The following SLC25A26 variants were observed in gnomAD, a reference collection of about 807,000 sequenced individuals.
The protein encoded by SLC25A26 is solute carrier family 25 member 26, also known as mitochondrial S-adenosylmethionine carrier protein.
In SLC25A26, 36 loss-of-function variants were observed where a neutral mutation model predicts 37.8. The ratio of observed to expected loss-of-function variants is 0.95; its 90% CI spans 0.73 to 1.26. The LOEUF (loss-of-function observed/expected upper bound fraction) is 1.26, where lower values mean the gene tolerates loss of function less well. Ranked by LOEUF, SLC25A26 falls within the 50% of genes most tolerant of loss-of-function variation. The pLI, the probability that SLC25A26 is intolerant of heterozygous loss-of-function variation, is 0.00. For missense variants in SLC25A26, 390 were observed against 331.1 expected (o/e 1.18, Z -1.38); for synonymous variants, 129 against 122.5 (o/e 1.05, Z -0.35).
At chr3:66,220,568 A>C (rs572509852), upstream of SLC25A26, among the ~76,000 whole-genome samples, 44 of 152,338 alleles carry the variant, frequency 2.9e-4, no homozygotes, top group Middle Eastern at 3.4e-3. Flanking sequence ...TTTATTTAAT[A>C]ATCTTCTGAT....
chr3:66,314,994 T>C (rs1272514388), intron 5 of SLC25A26, among the ~76,000 whole-genome samples: 1 of 151,936 alleles, frequency 6.6e-6, no homozygotes, highest in Non-Finnish European at 1.5e-5. Flanking sequence ...TTTTATTGTG[T>C]CTATTTGATT....
At chr3:66,355,978 C>T (rs1559733453) in intron 6 of SLC25A26, 1 of 454,898 alleles carries the variant, frequency 2.2e-6, no homozygotes, top group South Asian at 1.6e-5. Context: ...TGTGCACATA[C>T]TTATTTTACT....
intron 3 of SLC25A26, among the ~76,000 whole-genome samples, chr3:66,260,216 TTTATTGAAA>T (rs1255713313): frequency 6.6e-6 from 1 of 152,138 alleles, no homozygotes; most frequent in Non-Finnish European, 1.5e-5. Flanking sequence ...TTGGCCATGT[TTTATTGAAA>T]TTATTTATAT....
At chr3:66,269,053 G>A (rs2073863146) in intron 5 of SLC25A26, among the ~76,000 whole-genome samples, 2 of 152,318 alleles carry the variant, frequency 1.3e-5, no homozygotes, top group South Asian at 2.1e-4. Flanking sequence ...GTGGAATGCA[G>A]CTCTGTCCCT....
chr3:66,357,654 A>G (rs1328397379), intron 6 of SLC25A26, among the ~76,000 whole-genome samples: 1 of 152,144 alleles, frequency 6.6e-6, no homozygotes, highest in Non-Finnish European at 1.5e-5. Flanking sequence ...CTCTGTGGCA[A>G]TGAAATTACT....
At chr3:66,287,938 C>A (rs1229651370) in intron 5 of SLC25A26, among the ~76,000 whole-genome samples, 1 of 152,148 alleles carries the variant, frequency 6.6e-6, no homozygotes, top group Non-Finnish European at 1.5e-5. Flanking sequence ...CAAACGTTTG[C>A]TGTAGTTTTG....
At chr3:66,192,348 G>C (rs879029416) in intron 1 of SLC25A26, among the ~76,000 whole-genome samples, 39,882 of 146,156 alleles carry the variant, frequency 0.27, 5,972 homozygotes, top group Admixed American at 0.38. Context: ...GAGAGAAATT[G>C]CAGAATTTGC....
chr3:66,244,177 T>C (rs879539869), intron 3 of SLC25A26, among the ~76,000 whole-genome samples: 11 of 152,064 alleles, frequency 7.2e-5, no homozygotes, highest in African/African-American at 2.4e-4. Context: ...CTAATACTAA[T>C]TGAAAAATAG....
At chr3:66,208,974 G>GTGTGTATATA (rs1224075955) in intron 1 of SLC25A26, among the ~76,000 whole-genome samples, 26 of 83,130 alleles carry the variant, frequency 3.1e-4, no homozygotes, top group African/African-American at 1.2e-3. Context: ...ATAAAGGTGT[G>GTGTGTATATA]TATATATATA....
rs576156027 is a variant in SLC25A26, at chr3:66,160,039, G to T, written c.-354+26055G>T. On this transcript the variant is annotated intron_variant, in intron 1 of 10. Transcript: ENST00000676754. Reference sequence around the variant, plus strand: ...TTCTTTTTTGGGACAGTCTTGCTCTGTCACCCAGGCTGGAGTGCAGTGGTG... The same window carrying T: ...TTCTTTTTTGGGACAGTCTTGCTCTTTCACCCAGGCTGGAGTGCAGTGGTG... Among the ~76,000 whole-genome samples, 48 of 152,086 alleles carry T rather than the reference G, an allele frequency of 3.2e-4. 1 individual carries two copies. In the South Asian group the frequency reaches 9.4e-3, roughly 30 times the overall value.
intron 1 of SLC25A26, among the ~76,000 whole-genome samples, chr3:66,194,851 T>A (rs2071016840): frequency 6.6e-6 from 1 of 152,196 alleles, no homozygotes; most frequent in Non-Finnish European, 1.5e-5. Flanking sequence ...TCCGCCCTCC[T>A]CGGCCTCCCA....
At chr3:66,321,339 C>G (rs1425928237) in intron 5 of SLC25A26, among the ~76,000 whole-genome samples, 2 of 152,178 alleles carry the variant, frequency 1.3e-5, no homozygotes, top group Non-Finnish European at 2.9e-5. Context: ...TGATGAGAAT[C>G]TATGCATCTT....
At chr3:66,230,194 G>A (rs1185513286) in intron 1 of SLC25A26, among the ~76,000 whole-genome samples, 1 of 118,534 alleles carries the variant, frequency 8.4e-6, no homozygotes, top group South Asian at 2.8e-4. Flanking sequence ...GCAGGTGACT[G>A]ATCTGGTTTC....
At chr3:66,295,369 G>A (rs535473765) in intron 5 of SLC25A26, among the ~76,000 whole-genome samples, 6 of 151,182 alleles carry the variant, frequency 4.0e-5, no homozygotes, top group African/African-American at 1.5e-4. Context: ...GATTACAGGC[G>A]CATGCCACCA....
intron 1 of SLC25A26, among the ~76,000 whole-genome samples, chr3:66,154,468 C>A (rs1484934705): frequency 2.0e-5 from 3 of 151,890 alleles, no homozygotes; most frequent in African/African-American, 7.3e-5. Context: ...AATGAAAAAC[C>A]CTGGGCTTTG....
upstream of SLC25A26, among the ~76,000 whole-genome samples, chr3:66,219,673 A>G (rs1298339339): frequency 6.6e-6 from 1 of 152,164 alleles, no homozygotes; most frequent in Non-Finnish European, 1.5e-5. Context: ...GACAGGAGAC[A>G]CCAGCTGAGA....
intron 1 of SLC25A26, among the ~76,000 whole-genome samples, chr3:66,137,217 C>CTT (rs528438794): frequency 1.9e-4 from 22 of 118,832 alleles, no homozygotes; most frequent in South Asian, 5.7e-4. Context: ...GATTTTCTTT[C>CTT]TTTTTTTTTT....
intron 5 of SLC25A26, among the ~76,000 whole-genome samples, chr3:66,295,331 C>T (rs1046005319): frequency 6.6e-6 from 1 of 152,006 alleles, no homozygotes; most frequent in Admixed American, 6.6e-5. Flanking sequence ...TCAAGCAATT[C>T]TCCTGCCTCA....
intron 1 of SLC25A26, among the ~76,000 whole-genome samples, chr3:66,151,162 G>T (rs748298235): frequency 3.3e-5 from 5 of 152,182 alleles, no homozygotes; most frequent in African/African-American, 4.8e-5. Flanking sequence ...AGTGCTGAGT[G>T]CAGAGTGATG....
Sources: gnomAD v4.1 joint callset for allele counts (sites outside exome capture counted in the v4.1 genomes callset) on GRCh38, gnomAD v4.1.1 for gene constraint, MANE v1.5 for transcripts, NCBI Gene and HGNC (gene_info 2026-07-23, HGNC 2026-07-21) for gene names.